The following BUB1 variants were observed in gnomAD, a reference collection of about 807,000 sequenced individuals.
BUB1 encodes the protein BUB1 mitotic checkpoint serine/threonine kinase.
BUB1 carries 84 observed loss-of-function variants against 135.2 expected under a neutral mutation model. The observed-to-expected ratio is 0.62, with a 90% CI of 0.52 to 0.74. The LOEUF (loss-of-function observed/expected upper bound fraction) is 0.74. Ranked by LOEUF, BUB1 falls within the 30% of genes least tolerant of loss-of-function variation. The probability of loss-of-function intolerance (pLI) is 0.00; values close to 1 mark genes in which losing one functional copy is unlikely to be tolerated. For missense variants in BUB1, 1,162 were observed against 1,288.3 expected (o/e 0.90, Z 1.50); for synonymous variants, 403 against 434.4 (o/e 0.93, Z 0.90).
intron 5 of BUB1, 71 bp downstream of exon 5, chr2:110,670,454 G>C: frequency 1.9e-6 from 3 of 1,572,694 alleles, no homozygotes; most frequent in Non-Finnish European, 2.6e-6. Context: ...GTTTTTTAAA[G>C]AAAAGAAAAT....
intron 17 of BUB1, among the ~76,000 whole-genome samples, chr2:110,652,087 C>G (rs966833437): frequency 6.6e-5 from 10 of 151,898 alleles, no homozygotes; most frequent in Non-Finnish European, 1.5e-5. Flanking sequence ...CACACACACA[C>G]AGTATACAGT....
chr2:110,658,363 A>C, intron 13 of BUB1, 47 bp downstream of exon 13: 3 of 1,444,226 alleles, frequency 2.1e-6, no homozygotes, highest in Non-Finnish European at 2.9e-6. Context: ...TTTCTGTGAT[A>C]ACCACCTATA....
rs746078209 is a variant in BUB1, at chr2:110,661,595, T to C, written c.1204A>G (p.Ser402Gly). The change falls in exon 10 of 25, where the codon AGC becomes GGC. Residue 402 changes from serine (S) to glycine (G), a missense_variant. Transcript: ENST00000302759. ...CCTTCAGCTTACCCAGCATCTTTGC[T>C]GGCCACTGCAAACATGGAGTCTGTT... is the stretch of plus-strand genomic sequence containing the variant. ...TVTDSMFAVA[S>G]KDAGCVNKST... 3.7e-6 allele frequency: 6 copies of C among 1,614,090 alleles called. No homozygotes were observed. Among genetic ancestry groups the C allele is most frequent in the Non-Finnish European group, 5.1e-6 (6 of 1,179,994 alleles).
Position 110,641,701 on chromosome 2 carries a change from G to C in BUB1, c.2566C>G (p.His856Asp), listed in dbSNP as rs1170025185. 1.2e-6 allele frequency: 2 copies of C among 1,613,046 alleles called. No individual in the cohort carries two copies. The highest frequency in any genetic ancestry group is 1.7e-6 in the Non-Finnish European group (2 of 1,179,878). Residue 856 changes from histidine (H) to aspartate (D), a missense_variant, in exon 21 of 25, where the codon CAC becomes GAC. By Grantham distance (81) the His-to-Asp change is moderately conservative. Coordinates refer to ENST00000302759, the MANE Select transcript of BUB1 (RefSeq NM_004336.5). ...QHMFMKFYSA[H>D]LFQNGSVLVG... is the part of the protein sequence containing the mutation. Reference sequence around the variant, plus strand: ...AATACACTGCCATTCTGGAATAAGTGGGCAGAATAGAACTTCATAAACATG... The same window carrying C: ...AATACACTGCCATTCTGGAATAAGTCGGCAGAATAGAACTTCATAAACATG...
intron 11 of BUB1, among the ~76,000 whole-genome samples, 153 bp from the exon 12 acceptor site, chr2:110,658,895 C>T (rs1261231488): frequency 1.3e-5 from 2 of 152,146 alleles, no homozygotes; most frequent in African/African-American, 4.8e-5. Context: ...TCATATATTT[C>T]ATTTTTATCT....
chr2:110,673,634 C>T (rs1330564127), intron 3 of BUB1, among the ~76,000 whole-genome samples: 1 of 151,920 alleles, frequency 6.6e-6, no homozygotes, highest in Non-Finnish European at 1.5e-5. Context: ...CACTCTGTCA[C>T]CCAGGCTGGA....
rs1176326512 is a variant in BUB1 at position 110,658,727 on chromosome 2, T to C, written c.1292A>G (p.Lys431Arg). ...GTGAAAAGAACTTGTGTTGGCAACCTTATGTGTTTCACACCCTAGCAAAGA... is the reference window on the plus strand; with the variant it reads ...GTGAAAAGAACTTGTGTTGGCAACCCTATGTGTTTCACACCCTAGCAAAGA... ...AEIKEGCETH[K>R]VANTSSFHTT... The change falls in exon 12 of 25, where the codon AAG (lysine) becomes AGG (arginine). Residue 431 changes from lysine (K) to arginine (R), a missense_variant. Coordinates refer to ENST00000302759, the MANE Select transcript of BUB1 (RefSeq NM_004336.5). The C allele has an allele frequency of 6.2e-7, 1 of 1,614,088 alleles. No homozygotes were observed. The highest frequency in any genetic ancestry group is 1.3e-5 in the African/African-American group (1 of 74,932).
Position 110,672,782 on chromosome 2 carries a change from G to A in BUB1, c.301C>T (p.Leu101=). Residue 101 remains leucine, a synonymous_variant, in exon 4 of 25, where the codon CTG becomes TTG. Coordinates refer to ENST00000302759, the MANE Select transcript of BUB1 (RefSeq NM_004336.5). ...NHGIGTLSSP[L]YIAWAGHLEA... is the part of the protein sequence containing the mutation. Reference sequence around the variant, plus strand: ...AGATGCCCCGCCCAGGCAATGTACAGAGGGGATGACAGGGTTCCAATCCCA... The same window carrying A: ...AGATGCCCCGCCCAGGCAATGTACAAAGGGGATGACAGGGTTCCAATCCCA... The A allele has an allele frequency of 6.2e-7, 1 of 1,614,102 alleles. No homozygotes were observed.
At chr2:110,653,849 T>C (rs915235702) in intron 16 of BUB1, among the ~76,000 whole-genome samples, 8 of 151,990 alleles carry the variant, frequency 5.3e-5, no homozygotes, top group Admixed American at 5.3e-4. Flanking sequence ...AAAATAACTT[T>C]TTAAAATTAA....
chr2:110,672,038 C>A (rs1690437685), intron 4 of BUB1, among the ~76,000 whole-genome samples: 1 of 152,128 alleles, frequency 6.6e-6, no homozygotes, highest in Admixed American at 6.6e-5. Flanking sequence ...ACCAGTCTGG[C>A]CAACATGGCG....
rs1416986612 is a variant in BUB1 at position 110,650,786 on chromosome 2, T to G, written c.1965-2A>C. ...TTTGGGCTTTTCTCTTGAATTGGAC[T>G]GGACGTGTGAAAGGAATAAAGAAAC... On this transcript the variant is annotated splice_acceptor_variant, in intron 17 of 24. Coordinates refer to ENST00000302759, the MANE Select transcript of BUB1 (RefSeq NM_004336.5). LOFTEE classifies it high-confidence loss of function. 6.2e-7 allele frequency: 1 copy of G among 1,611,794 alleles called. No individual in the cohort carries two copies. The highest frequency in any genetic ancestry group is 2.2e-5 in the East Asian group (1 of 44,856).
intron 17 of BUB1, 102 bp downstream of exon 17, chr2:110,653,334 G>T: frequency 8.7e-7 from 1 of 1,154,478 alleles, no homozygotes; most frequent in Non-Finnish European, 1.3e-6. Context: ...CTAAAATTAG[G>T]TATTCTATTA....
Position 110,648,744 on chromosome 2 carries a change from T to C in BUB1, c.2347+490A>G, listed in dbSNP as rs1689707982. The C allele has an allele frequency of 6.6e-6, 1 of 152,162 alleles. No individual in the cohort carries two copies. The highest frequency in any genetic ancestry group is 6.6e-5 in the Admixed American group (1 of 15,264). The allele number at this position is 152,162 out of a possible 1,614,324, so 9.4% of individuals were successfully genotyped here. On this transcript the variant is annotated intron_variant, in intron 19 of 24. Coordinates refer to ENST00000302759, the MANE Select transcript of BUB1 (RefSeq NM_004336.5). This position sits in a 1 kb window ranked among gnomAD's most constrained non-coding sequence, Gnocchi z 4.2. Reference sequence around the variant, plus strand: ...TCATTAAAAAACTTAAAAGGGAATATTGTGAAGTCTTGCTACCATTGTTTC... The same window carrying C: ...TCATTAAAAAACTTAAAAGGGAATACTGTGAAGTCTTGCTACCATTGTTTC...
chr2:110,650,223 T>C, intron 18 of BUB1, among the ~76,000 whole-genome samples: 1 of 151,640 alleles, frequency 6.6e-6, no homozygotes, highest in African/African-American at 2.4e-5. Flanking sequence ...GGGGTGTCTC[T>C]TTAACCTTCA....
rs776930549 is a variant in BUB1, at chr2:110,641,667, T to C, written c.2600A>G (p.Glu867Gly). 1 of 1,613,042 alleles carries C rather than the reference T, an allele frequency of 6.2e-7. No individual in the cohort carries two copies. The highest frequency in any genetic ancestry group is 8.5e-7 in the Non-Finnish European group (1 of 1,179,862). ...LFQNGSVLVG[E>G]LYSYGTLLNA... Reference sequence around the variant, plus strand: ...TAATAATGTTCCATAGCTGTAGAGCTCTCCTACTAATACACTGCCATTCTG... The same window carrying C: ...TAATAATGTTCCATAGCTGTAGAGCCCTCCTACTAATACACTGCCATTCTG... The change falls in exon 21 of 25, where the codon GAG becomes GGG. Residue 867 changes from glutamate to glycine, a missense_variant. Coordinates refer to ENST00000302759, the MANE Select transcript of BUB1 (RefSeq NM_004336.5).
At chr2:110,649,563 TTTA>T (rs1005657622) in intron 18 of BUB1, among the ~76,000 whole-genome samples, 186 bp from the exon 19 acceptor site, 4 of 152,014 alleles carry the variant, frequency 2.6e-5, no homozygotes, top group African/African-American at 9.7e-5. Context: ...CTCTGCACAG[TTTA>T]TTATTTGCCA....
chr2:110,673,200 G>A (rs1265093887), intron 3 of BUB1, among the ~76,000 whole-genome samples: 1 of 152,216 alleles, frequency 6.6e-6, no homozygotes, highest in Non-Finnish European at 1.5e-5. Context: ...CCTGGAAAGG[G>A]CAAGGAAGCT....
intron 19 of BUB1, 154 bp downstream of exon 19, chr2:110,649,080 A>C (rs1689714993): frequency 1.6e-6 from 1 of 621,204 alleles, no homozygotes; most frequent in Non-Finnish European, 2.5e-6. Flanking sequence ...ATCATGGCTT[A>C]ACAAAATGAT....
intron 19 of BUB1, among the ~76,000 whole-genome samples, chr2:110,644,919 G>T (rs1425047059): frequency 1.3e-5 from 2 of 151,838 alleles, no homozygotes; most frequent in Admixed American, 6.6e-5. Context: ...AATTTTAAAA[G>T]AAGTATAATT....
Sources: gnomAD v4.1 joint callset for allele counts (sites outside exome capture counted in the v4.1 genomes callset) on GRCh38, gnomAD v4.1.1 for gene constraint, Gnocchi (gnomAD v3.1) non-coding constraint, MANE v1.5 for transcripts, NCBI Gene and HGNC (gene_info 2026-07-23, HGNC 2026-07-21) for gene names.